Variants in IKZF2 observed in about 807,000 individuals in gnomAD.
IKZF2 encodes the protein IKAROS family zinc finger 2.
IKZF2 carries 15 observed loss-of-function variants against 49.2 expected under a neutral mutation model. The observed-to-expected ratio is 0.30, with a 90% CI of 0.20 to 0.47. IKZF2 has a LOEUF of 0.47. Ranked by LOEUF, IKZF2 falls within the 20% of genes least tolerant of loss-of-function variation. The pLI, the probability that IKZF2 is intolerant of heterozygous loss-of-function variation, is 1.00. For missense variants in IKZF2, 567 were observed against 664.6 expected (o/e 0.85, Z 1.61); for synonymous variants, 227 against 221.4 (o/e 1.03, Z -0.23).
chr2:213,125,523 C>G (rs1176918959), intron 4 of IKZF2, among the ~76,000 whole-genome samples: 1 of 152,184 alleles, frequency 6.6e-6, no homozygotes. Flanking sequence ...AAAACAGACA[C>G]TCACATATTA....
intron 4 of IKZF2, among the ~76,000 whole-genome samples, chr2:213,076,846 G>A (rs916300428): frequency 6.6e-6 from 1 of 152,294 alleles, no homozygotes; most frequent in East Asian, 1.9e-4. Context: ...GAGCTTGCGT[G>A]AGCGGAGATC....
chr2:213,046,610 T>C (rs1408031086), intron 6 of IKZF2, among the ~76,000 whole-genome samples: 2 of 152,148 alleles, frequency 1.3e-5, no homozygotes, highest in African/African-American at 4.8e-5. Flanking sequence ...GAAGAGATAG[T>C]TGAGGTAATG....
At chr2:213,065,368 A>G (rs1039158499) in intron 4 of IKZF2, among the ~76,000 whole-genome samples, 3 of 152,024 alleles carry the variant, frequency 2.0e-5, no homozygotes, top group Admixed American at 2.0e-4. Flanking sequence ...TACTGCCTTT[A>G]TTCATAGTTG....
intron 4 of IKZF2, among the ~76,000 whole-genome samples, chr2:213,104,920 G>T (rs1022046131): frequency 3.9e-5 from 6 of 152,116 alleles, no homozygotes; most frequent in Non-Finnish European, 5.9e-5. Flanking sequence ...TATATGAACA[G>T]ATTTACAGGG....
intron 4 of IKZF2, among the ~76,000 whole-genome samples, chr2:213,124,234 A>ATGCACT (rs1468811706): frequency 2.6e-5 from 3 of 114,946 alleles, no homozygotes; most frequent in Admixed American, 2.1e-4. Flanking sequence ...GCACGCACAC[A>ATGCACT]TGCGCTCGCG....
At chr2:213,039,397 T>G (rs909676819) in intron 6 of IKZF2, among the ~76,000 whole-genome samples, 8 of 152,218 alleles carry the variant, frequency 5.3e-5, no homozygotes, top group African/African-American at 1.9e-4. Context: ...GGGAGGAAGT[T>G]GTTGTTTTAA....
rs1469580539 is a variant in IKZF2, at chr2:213,006,040, C to G, written c.*1320G>C. 1 of 151,750 alleles carries G rather than the reference C, an allele frequency of 6.6e-6. No individual in the cohort carries two copies. The highest frequency in any genetic ancestry group is 6.6e-5 in the Admixed American group (1 of 15,216). The allele number at this position is 151,750 out of a possible 1,614,324, so 9.4% of individuals were successfully genotyped here. On this transcript the variant is annotated 3_prime_UTR_variant, in exon 9 of 9. Coordinates refer to ENST00000434687, the MANE Select transcript of IKZF2 (RefSeq NM_001387220.1). ...TTTTTTGTTTCTTTTATCTGTTGTCCAAGGTACAGGTTACAAAGAAGTCCC... is the reference window on the plus strand; with the variant it reads ...TTTTTTGTTTCTTTTATCTGTTGTCGAAGGTACAGGTTACAAAGAAGTCCC...
intron 4 of IKZF2, among the ~76,000 whole-genome samples, chr2:213,107,368 A>G (rs2059568453): frequency 1.3e-5 from 2 of 152,228 alleles, no homozygotes; most frequent in South Asian, 4.1e-4. Flanking sequence ...TCACAGTTGT[A>G]GTTTTTAAAG....
At chr2:213,036,318 T>C (rs67043134) in intron 6 of IKZF2, among the ~76,000 whole-genome samples, 35,393 of 152,048 alleles carry the variant, frequency 0.23, 4,585 homozygotes, top group Non-Finnish European at 0.28. Context: ...TTAGGTAACA[T>C]CTCTTTCTTT....
chr2:213,027,846 T>A (rs1031584090), intron 6 of IKZF2, among the ~76,000 whole-genome samples: 1 of 152,146 alleles, frequency 6.6e-6, no homozygotes, highest in Non-Finnish European at 1.5e-5. Context: ...GTTCTGAAAT[T>A]CTGAAATATG....
chr2:213,127,474 A>T lies in IKZF2; in HGVS notation c.139+20234T>A, dbSNP rs78020218. Reference sequence around the variant, plus strand: ...AACTAAGATACTATTTTCCAAAAAGAAAACCCCATTATGTCAGTTTCACCT... The same window carrying T: ...AACTAAGATACTATTTTCCAAAAAGTAAACCCCATTATGTCAGTTTCACCT... On this transcript the variant is annotated intron_variant, in intron 4 of 8. Coordinates refer to ENST00000434687, the MANE Select transcript of IKZF2 (RefSeq NM_001387220.1). Among the ~76,000 whole-genome samples, 52 of 152,346 alleles carry T rather than the reference A, an allele frequency of 3.4e-4. No individual in the cohort carries two copies. The East Asian group carries it at 9.2e-3, about 27-fold the overall frequency.
intron 4 of IKZF2, among the ~76,000 whole-genome samples, chr2:213,064,182 T>A (rs533939852): frequency 6.6e-6 from 1 of 152,104 alleles, no homozygotes; most frequent in South Asian, 2.1e-4. Flanking sequence ...TTATCGGTGG[T>A]AGGTTAAGGC....
At chr2:213,024,137 C>G (rs192114288) in intron 6 of IKZF2, among the ~76,000 whole-genome samples, 107 of 152,264 alleles carry the variant, frequency 7.0e-4, no homozygotes, top group Non-Finnish European at 1.0e-3. Flanking sequence ...TTCATCCCAT[C>G]ATTGAGTCCA....
Position 213,007,378 on chromosome 2 carries a change from C to T in IKZF2, c.1563G>A (p.Gly521=). The change falls in exon 9 of 9, where the codon GGG becomes GGA. Residue 521 remains glycine, a synonymous_variant. Transcript: ENST00000434687. ...AAAAGGCCTAGTGGAATGTGTGCTCCCCTCGAACAATGTGTGATGAAAACT... is the reference window on the plus strand; with the variant it reads ...AAAAGGCCTAGTGGAATGTGTGCTCTCCTCGAACAATGTGTGATGAAAACT... The part of the protein sequence containing the change: ...RYEFSSHIVR[G]EHTFH 1 of 1,613,102 alleles carries T rather than the reference C, an allele frequency of 6.2e-7. No homozygotes were observed. Among genetic ancestry groups the T allele is most frequent in the African/African-American group, 1.3e-5 (1 of 74,968 alleles).
intron 4 of IKZF2, among the ~76,000 whole-genome samples, chr2:213,061,623 A>G (rs745931805): frequency 2.8e-4 from 42 of 151,628 alleles, no homozygotes; most frequent in Non-Finnish European, 4.9e-4. Context: ...TAGCCAATAA[A>G]GAACAAAGAC....
At chr2:213,101,961 G>T (rs1706733810) in intron 4 of IKZF2, among the ~76,000 whole-genome samples, 1 of 152,086 alleles carries the variant, frequency 6.6e-6, no homozygotes, top group South Asian at 2.1e-4. Context: ...TCAGATAACT[G>T]ATCCATGACA....
chr2:213,029,138 T>C (rs529160411), intron 6 of IKZF2, among the ~76,000 whole-genome samples: 2 of 152,178 alleles, frequency 1.3e-5, no homozygotes, highest in East Asian at 3.9e-4. Context: ...TTTCTTGTAA[T>C]GTCTTTGATT....
chr2:213,081,859 C>T (rs903799297), intron 4 of IKZF2, among the ~76,000 whole-genome samples: 1 of 152,110 alleles, frequency 6.6e-6, no homozygotes, highest in Non-Finnish European at 1.5e-5. Flanking sequence ...GCTACTACAC[C>T]CCTCCTAATA....
At chr2:213,080,305 A>C (rs1559247151) in intron 4 of IKZF2, among the ~76,000 whole-genome samples, 1 of 152,180 alleles carries the variant, frequency 6.6e-6, no homozygotes, top group African/African-American at 2.4e-5. Flanking sequence ...GTGAACTTCT[A>C]AAGTTGGAAA....
Sources: allele counts gnomAD v4.1 joint callset (sites outside exome capture counted in the v4.1 genomes callset), GRCh38; gene constraint gnomAD v4.1.1; transcripts MANE v1.5; gene names NCBI Gene and HGNC (gene_info 2026-07-23, HGNC 2026-07-21).